Variants in PPP2R5C observed in about 807,000 individuals in gnomAD.
PPP2R5C encodes the protein serine/threonine-protein phosphatase 2A 56 kDa regulatory subunit gamma isoform.
PPP2R5C carries 7 observed loss-of-function variants against 68.9 expected under a neutral mutation model. The observed-to-expected ratio is 0.10, with a 90% CI of 0.06 to 0.19. The LOEUF is 0.19. Ranked by LOEUF, PPP2R5C falls within the 10% of genes least tolerant of loss-of-function variation. PPP2R5C has a pLI of 1.00. For synonymous variants in PPP2R5C, 210 were observed against 222.2 expected (o/e 0.95, Z 0.49); for missense variants, 348 against 641.3 (o/e 0.54, Z 4.94).
At chr14:101,885,532 G>C (rs1254402643) in intron 5 of PPP2R5C, among the ~76,000 whole-genome samples, 3 of 151,984 alleles carry the variant, frequency 2.0e-5, no homozygotes, top group African/African-American at 7.3e-5. Flanking sequence ...GGAGCACCCT[G>C]CCTTTCCCCT....
At chr14:101,793,954 CA>C (rs1270452986) in intron 3 of PPP2R5C, among the ~76,000 whole-genome samples, 1 of 151,942 alleles carries the variant, frequency 6.6e-6, no homozygotes, top group Non-Finnish European at 1.5e-5. Context: ...CACTTCTTTC[CA>C]ACATCCAACT....
At chr14:101,874,003 C>G (rs995902877) in intron 2 of PPP2R5C, among the ~76,000 whole-genome samples, 1 of 152,218 alleles carries the variant, frequency 6.6e-6, no homozygotes. Flanking sequence ...TACTCCATCT[C>G]ATCTGGAAGC....
At chr14:101,790,637 G>A (rs1204147762) in intron 3 of PPP2R5C, among the ~76,000 whole-genome samples, 7 of 152,210 alleles carry the variant, frequency 4.6e-5, no homozygotes, top group Non-Finnish European at 8.8e-5. Flanking sequence ...CCAGTTAATG[G>A]ACATTTGGGC....
rs142826691 is a variant in PPP2R5C, at chr14:101,884,182, A to G, written c.629+620A>G. 5.0e-3 allele frequency among the ~76,000 whole-genome samples: 758 copies of G among 152,270 alleles called. 8 individuals are homozygous for G. Among genetic ancestry groups the G allele is most frequent in the African/African-American group, 0.017 (712 of 41,542 alleles). On this transcript the variant is annotated intron_variant, in intron 5 of 13. Transcript: ENST00000334743. Reference sequence around the variant, plus strand: ...GGGCAGGAAGCATCCAGCACAGGAGAAAGATGGAGGCCAGAAGACTCAGCC... The same window carrying G: ...GGGCAGGAAGCATCCAGCACAGGAGGAAGATGGAGGCCAGAAGACTCAGCC...
intron 2 of PPP2R5C, among the ~76,000 whole-genome samples, chr14:101,865,110 AG>A (rs2042975960): frequency 6.6e-6 from 1 of 152,184 alleles, no homozygotes; most frequent in Non-Finnish European, 1.5e-5. Flanking sequence ...ATGCTGGTTC[AG>A]GGGAAAGAGC....
At chr14:101,895,637 A>T (rs2045269917) in intron 8 of PPP2R5C, among the ~76,000 whole-genome samples, 1 of 152,212 alleles carries the variant, frequency 6.6e-6, no homozygotes, top group Non-Finnish European at 1.5e-5. Flanking sequence ...TGGGTTGCGT[A>T]TCAGAACTTC....
chr14:101,840,051 A>G (rs2041366780), intron 1 of PPP2R5C, among the ~76,000 whole-genome samples: 1 of 152,168 alleles, frequency 6.6e-6, no homozygotes, highest in Non-Finnish European at 1.5e-5. Flanking sequence ...GCCATTGAAT[A>G]CTAAGTTGTT....
intron 2 of PPP2R5C, among the ~76,000 whole-genome samples, chr14:101,878,554 G>C (rs991739327): frequency 1.3e-5 from 2 of 152,200 alleles, no homozygotes; most frequent in Non-Finnish European, 2.9e-5. Context: ...GGGCTGTGCA[G>C]AGAAACAGCA....
At chr14:101,869,229 G>C (rs1276536222) in intron 2 of PPP2R5C, among the ~76,000 whole-genome samples, 4 of 152,290 alleles carry the variant, frequency 2.6e-5, no homozygotes, top group African/African-American at 9.6e-5. Flanking sequence ...CTTTCGCTTA[G>C]CTTGATGCAT....
intron 1 of PPP2R5C, chr14:101,819,823 T>G (rs1211179725): frequency 6.6e-6 from 1 of 152,604 alleles, no homozygotes; most frequent in East Asian, 1.9e-4. Context: ...GGGGTCTCAC[T>G]GGGTTGCTCA....
chr14:101,776,527 C>T (rs1449143914), intron 2 of PPP2R5C, among the ~76,000 whole-genome samples: 1 of 152,172 alleles, frequency 6.6e-6, no homozygotes, highest in East Asian at 1.9e-4. Flanking sequence ...GTACTGAGAA[C>T]AGCTGATCCT....
At chr14:101,878,492 G>A (rs2043935210) in intron 2 of PPP2R5C, among the ~76,000 whole-genome samples, 2 of 152,226 alleles carry the variant, frequency 1.3e-5, no homozygotes, top group South Asian at 4.1e-4. Context: ...TTTCCTGCTA[G>A]TAGAAACCAC....
chr14:101,893,191 G>C (rs2045071302), intron 7 of PPP2R5C, 83 bp downstream of exon 9: 6 of 957,986 alleles, frequency 6.3e-6, no homozygotes, highest in Non-Finnish European at 9.7e-6. Context: ...GGCCTTGACT[G>C]AGAGTGCTTT....
At chr14:101,811,172 G>A (rs1053223185) in intron 1 of PPP2R5C, among the ~76,000 whole-genome samples, 2 of 152,158 alleles carry the variant, frequency 1.3e-5, no homozygotes, top group Non-Finnish European at 2.9e-5. Flanking sequence ...TCATGAAGGT[G>A]GAAATCAGCA....
At chr14:101,842,757 CTTTTTTTTT>C (rs60913362) in intron 1 of PPP2R5C, among the ~76,000 whole-genome samples, 31 of 137,868 alleles carry the variant, frequency 2.2e-4, no homozygotes, top group African/African-American at 7.2e-4. Context: ...TGTCTTTTTT[CTTTTTTTTT>C]TTTTTTTACT....
At chr14:101,813,229 A>G (rs1337195909) in intron 1 of PPP2R5C, among the ~76,000 whole-genome samples, 1 of 152,248 alleles carries the variant, frequency 6.6e-6, no homozygotes, top group Non-Finnish European at 1.5e-5. Flanking sequence ...TGTGGCTAGG[A>G]TATTGGACAG....
At chr14:101,782,273 A>C (rs1287371702) in intron 2 of PPP2R5C, among the ~76,000 whole-genome samples, 2 of 244 alleles carry the variant, frequency 8.2e-3, no homozygotes, top group East Asian at 0.17. Flanking sequence ...CTTTCTCCCC[A>C]TTCCCCTCCC....
upstream of PPP2R5C, among the ~76,000 whole-genome samples, chr14:101,806,667 T>A (rs1397704960): frequency 6.6e-6 from 1 of 152,186 alleles, no homozygotes; most frequent in Admixed American, 6.5e-5. Flanking sequence ...TACAGAAATT[T>A]GTGATTTTAA....
chr14:101,804,187 A>G (rs1366707974), intron 3 of PPP2R5C, among the ~76,000 whole-genome samples: 1 of 152,248 alleles, frequency 6.6e-6, no homozygotes, highest in African/African-American at 2.4e-5. Flanking sequence ...ATCTCATACC[A>G]GTTAAAATGG....
Sources: gnomAD v4.1 joint callset for allele counts (sites outside exome capture counted in the v4.1 genomes callset) on GRCh38, gnomAD v4.1.1 for gene constraint, MANE v1.5 for transcripts, NCBI Gene and HGNC (gene_info 2026-07-23, HGNC 2026-07-21) for gene names.